ENTHD1: variants seen among roughly 807,000 people sequenced by gnomAD.
The protein encoded by ENTHD1 is ENTH domain containing 1, also known as ENTH domain-containing protein 1.
Under a neutral mutation model 39.1 loss-of-function variants are expected in ENTHD1, and 23 were observed. The observed-to-expected ratio is 0.59, with a 90% confidence interval of 0.42 to 0.83. The LOEUF (loss-of-function observed/expected upper bound fraction) is 0.83, where lower values mean the gene tolerates loss of function less well. Among genes scored for constraint, ENTHD1 ranks in the 40% least tolerant of loss-of-function variants. The pLI is 0.00. For synonymous variants in ENTHD1, 230 were observed against 258.2 expected, an observed-to-expected ratio of 0.89 and a Z score of 1.05; for missense variants, 624 against 705.4, an observed-to-expected ratio of 0.88 and a Z score of 1.31.
chr22:39,772,712 C>A (rs970685957), intron 5 of ENTHD1, among the ~76,000 whole-genome samples: 5 of 151,988 alleles, frequency 3.3e-5, no homozygotes, highest in Admixed American at 1.3e-4. Flanking sequence ...TAAAAAAGAT[C>A]TAATTATATG....
chr22:39,847,118 C>T (rs2065995176), intron 3 of ENTHD1, among the ~76,000 whole-genome samples: 1 of 151,958 alleles, frequency 6.6e-6, no homozygotes, highest in African/African-American at 2.4e-5. Context: ...TTGGAACCAA[C>T]CCAAATGTCC....
At chr22:39,885,229 C>A (rs2066370487) in intron 2 of ENTHD1, among the ~76,000 whole-genome samples, 1 of 152,110 alleles carries the variant, frequency 6.6e-6, no homozygotes, top group South Asian at 2.1e-4. Flanking sequence ...AAATTGCCAA[C>A]AACGACATGA....
intron 5 of ENTHD1, among the ~76,000 whole-genome samples, chr22:39,817,626 G>A (rs1569152960): frequency 6.6e-6 from 1 of 152,186 alleles, no homozygotes; most frequent in African/African-American, 2.4e-5. Context: ...ACAGTCAAGG[G>A]AGCTTTTGAC....
At chr22:39,839,494 G>A (rs1243694178) in intron 3 of ENTHD1, among the ~76,000 whole-genome samples, 1 of 152,196 alleles carries the variant, frequency 6.6e-6, no homozygotes, top group African/African-American at 2.4e-5. Context: ...AAGGACCTAC[G>A]TGGGCAAAGG....
chr22:39,757,061 A>C lies in ENTHD1; in HGVS notation c.1219+8162T>G, dbSNP rs141888523. On this transcript the variant is annotated intron_variant, in intron 6 of 6. Coordinates refer to ENST00000325157, the MANE Select transcript of ENTHD1 (RefSeq NM_152512.4). The stretch of plus-strand genomic sequence containing the variant: ...GGGACTGCATTGAATCTGCAGAGCT[A>C]TTTGGAGAAAAATTACATCTTAACA... 7.3e-3 allele frequency among the ~76,000 whole-genome samples: 1,103 copies of C among 151,448 alleles called. 17 individuals carry two copies. The highest frequency in any genetic ancestry group is 0.042 in the Middle Eastern group (12 of 286).
chr22:39,878,993 A>G (rs1011650684), intron 2 of ENTHD1, among the ~76,000 whole-genome samples: 2 of 152,122 alleles, frequency 1.3e-5, no homozygotes, highest in Non-Finnish European at 2.9e-5. Context: ...CTGATCTGCA[A>G]AAGACACGGT....
intron 3 of ENTHD1, among the ~76,000 whole-genome samples, chr22:39,844,932 C>T (rs2146692704): frequency 6.6e-6 from 1 of 151,988 alleles, no homozygotes; most frequent in East Asian, 1.9e-4. Flanking sequence ...AGGCATCTCT[C>T]CCCCACAGGA....
At chr22:39,893,352 C>A (rs772863414) in intron 1 of ENTHD1, 2 of 152,076 alleles carry the variant, frequency 1.3e-5, no homozygotes, top group African/African-American at 2.4e-5. Context: ...TCGGCATCCT[C>A]GTCTTCATTC....
intron 4 of ENTHD1, among the ~76,000 whole-genome samples, chr22:39,829,056 G>A (rs2065846966): frequency 1.3e-5 from 2 of 152,180 alleles, no homozygotes; most frequent in Admixed American, 1.3e-4. Flanking sequence ...TTCTGTAGAT[G>A]TAGTACATTT....
At chr22:39,792,723 C>G (rs74852037) in intron 5 of ENTHD1, among the ~76,000 whole-genome samples, 9,275 of 152,200 alleles carry the variant, frequency 0.061, 389 homozygotes, top group South Asian at 0.13. Flanking sequence ...CAAACTGGCT[C>G]TATCTGGGCA....
chr22:39,879,462 C>CAAAAAAA (rs34372930), intron 2 of ENTHD1, among the ~76,000 whole-genome samples: 1 of 16,454 alleles, frequency 6.1e-5, no homozygotes, highest in African/African-American at 2.5e-4. Context: ...GACTCTGTCT[C>CAAAAAAA]AAAAAAAAAA....
At chr22:39,825,718 T>G (rs1395839393) in intron 4 of ENTHD1, among the ~76,000 whole-genome samples, 3 of 151,972 alleles carry the variant, frequency 2.0e-5, no homozygotes, top group South Asian at 4.1e-4. Context: ...TTTTTTTTTT[T>G]GTTTTCTTTT....
chr22:39,775,404 G>A (rs187329158), intron 5 of ENTHD1, among the ~76,000 whole-genome samples: 1 of 152,274 alleles, frequency 6.6e-6, no homozygotes, highest in African/African-American at 2.4e-5. Flanking sequence ...CAACTGTAGA[G>A]AAAGGAGAGG....
chr22:39,877,703 G>C (rs2066303042), intron 2 of ENTHD1, among the ~76,000 whole-genome samples: 1 of 152,166 alleles, frequency 6.6e-6, no homozygotes, highest in African/African-American at 2.4e-5. Context: ...AGGAAAAAAA[G>C]GAACCATTCA....
intron 5 of ENTHD1, among the ~76,000 whole-genome samples, chr22:39,800,212 C>A (rs2065587739): frequency 6.6e-6 from 1 of 152,216 alleles, no homozygotes; most frequent in Non-Finnish European, 1.5e-5. Context: ...CCAATCCTGG[C>A]CAAGCTGGCT....
intron 6 of ENTHD1, among the ~76,000 whole-genome samples, chr22:39,756,283 CTCTG>C (rs2065183544): frequency 2.1e-5 from 3 of 144,478 alleles, no homozygotes; most frequent in African/African-American, 8.0e-5. Context: ...CTATCAATGT[CTCTG>C]TCTCTCTCTC....
At chr22:39,871,178 A>G (rs961634079) in intron 2 of ENTHD1, among the ~76,000 whole-genome samples, 3 of 133,934 alleles carry the variant, frequency 2.2e-5, no homozygotes, top group African/African-American at 3.5e-5. Flanking sequence ...TTCTAAAATA[A>G]ATAAATAAAT....
At chr22:39,746,555 G>A (rs1473609800) in intron 6 of ENTHD1, among the ~76,000 whole-genome samples, 1 of 152,196 alleles carries the variant, frequency 6.6e-6, no homozygotes, top group Admixed American at 6.5e-5. Flanking sequence ...AGGATTAAAA[G>A]TTGAAAGGAA....
At chr22:39,782,108 G>A (rs916487532) in intron 5 of ENTHD1, among the ~76,000 whole-genome samples, 6 of 152,074 alleles carry the variant, frequency 3.9e-5, no homozygotes, top group African/African-American at 1.4e-4. Flanking sequence ...CCAACATGGC[G>A]AAACCCCATC....
Sources: allele counts gnomAD v4.1 joint callset (sites outside exome capture counted in the v4.1 genomes callset), GRCh38; gene constraint gnomAD v4.1.1; transcripts MANE v1.5; gene names NCBI Gene and HGNC (gene_info 2026-07-23, HGNC 2026-07-21).